The following MEF2A variants were observed in gnomAD, a reference collection of about 807,000 sequenced individuals.
The protein encoded by MEF2A is myocyte enhancer factor 2A.
Under a neutral mutation model 55.8 loss-of-function variants are expected in MEF2A, and 28 were observed. The ratio of observed to expected loss-of-function variants is 0.50; its 90% confidence interval spans 0.37 to 0.69. The LOEUF is 0.69. MEF2A is among the 30% of genes least tolerant of loss of function. MEF2A has a pLI of 0.00. For synonymous variants in MEF2A, 239 were observed against 227.1 expected, an observed-to-expected ratio of 1.05 and a Z score of -0.47; for missense variants, 528 against 626.2, an observed-to-expected ratio of 0.84 and a Z score of 1.67.
At chr15:99,608,897 G>C (rs191182649) in intron 2 of MEF2A, among the ~76,000 whole-genome samples, 2 of 148,506 alleles carry the variant, frequency 1.3e-5, no homozygotes, top group African/African-American at 5.0e-5. Flanking sequence ...GTGAAACTCC[G>C]TCTCAAAAAA....
At chr15:99,644,081 A>G (rs1406428572) in intron 3 of MEF2A, among the ~76,000 whole-genome samples, 1 of 152,222 alleles carries the variant, frequency 6.6e-6, no homozygotes, top group Non-Finnish European at 1.5e-5. Context: ...TTTACTAGCT[A>G]ACAGAATATT....
intron 4 of MEF2A, among the ~76,000 whole-genome samples, chr15:99,662,729 C>G (rs2048869395): frequency 6.6e-6 from 1 of 152,204 alleles, no homozygotes; most frequent in South Asian, 2.1e-4. Context: ...CTGCCTGTCT[C>G]TGCCTCCCAA....
intron 2 of MEF2A, among the ~76,000 whole-genome samples, chr15:99,619,819 G>C (rs2040833031): frequency 6.6e-6 from 1 of 152,178 alleles, no homozygotes; most frequent in South Asian, 2.1e-4. Context: ...GAAATTGTCA[G>C]GTGCCAAAGG....
In MEF2A at chr15:99,589,685, GT is replaced by G. The variant is rs1304614412; in HGVS notation, c.-224-8740del. ...GCTTTACCCTATATAATCTAATCAT[GT>G]TTTTGCCATTTAGTTCAATGTATTT... On this transcript the variant is annotated intron_variant, in intron 1 of 11. Coordinates refer to ENST00000557942, the MANE Select transcript of MEF2A (RefSeq NM_001319206.4). Among the ~76,000 whole-genome samples the G allele has an allele frequency of 6.6e-5, 10 of 151,930 alleles. No homozygotes were observed. The East Asian group carries it at 1.7e-3, about 26-fold the overall frequency.
rs1476435600 is a variant in MEF2A at position 99,715,825 on chromosome 15, G to A, written c.*3054G>A. On this transcript the variant is annotated 3_prime_UTR_variant, in exon 12 of 12. Transcript: ENST00000557942. ...TCTAATGGCCACTCCACCGCGAGTG[G>A]AAGTCACTGTTGTGTGTACACAGGT... 2 of 152,214 alleles carry A rather than the reference G, an allele frequency of 1.3e-5. No homozygotes were observed. The highest frequency in any genetic ancestry group is 2.9e-5 in the Non-Finnish European group (2 of 68,040). The allele number at this position is 152,214 out of a possible 1,614,324, so 9.4% of individuals were successfully genotyped here.
intron 1 of MEF2A, among the ~76,000 whole-genome samples, chr15:99,584,170 A>T (rs891191860): frequency 3.9e-5 from 6 of 152,220 alleles, no homozygotes; most frequent in African/African-American, 1.4e-4. Context: ...TTATAATCTT[A>T]TGTGACCACC....
intron 7 of MEF2A, among the ~76,000 whole-genome samples, chr15:99,685,674 A>G (rs529563528): frequency 2.6e-5 from 4 of 152,130 alleles, no homozygotes; most frequent in Admixed American, 6.6e-5. Flanking sequence ...CCACTTGATC[A>G]TGGTGTATTA....
At chr15:99,709,376 C>T (rs1170554078) in intron 10 of MEF2A, among the ~76,000 whole-genome samples, 1 of 152,124 alleles carries the variant, frequency 6.6e-6, no homozygotes, top group Non-Finnish European at 1.5e-5. Context: ...AGATGTGTGG[C>T]GTTTGGAGTG....
At chr15:99,680,037 A>G (rs377300436) in intron 7 of MEF2A, among the ~76,000 whole-genome samples, 12 of 152,228 alleles carry the variant, frequency 7.9e-5, no homozygotes, top group African/African-American at 2.7e-4. Context: ...GAGACAAGTC[A>G]GTTTAAGATG....
intron 1 of MEF2A, among the ~76,000 whole-genome samples, chr15:99,572,419 T>TA (rs1962717678): frequency 6.6e-6 from 1 of 152,234 alleles, no homozygotes. Flanking sequence ...TTTACTCTCT[T>TA]ACACAGATTA....
At chr15:99,687,245 G>A (rs545374682) in intron 7 of MEF2A, among the ~76,000 whole-genome samples, 153 of 151,952 alleles carry the variant, frequency 1.0e-3, no homozygotes, top group Non-Finnish European at 1.9e-3. Flanking sequence ...ACCATTTTAC[G>A]TCTCAGAATG....
intron 1 of MEF2A, among the ~76,000 whole-genome samples, chr15:99,585,901 G>A (rs899696437): frequency 1.3e-5 from 2 of 152,014 alleles, no homozygotes; most frequent in African/African-American, 4.8e-5. Context: ...TTCTTCGGTG[G>A]TATCTTAAAA....
chr15:99,588,342 C>T (rs550941185), intron 1 of MEF2A, among the ~76,000 whole-genome samples: 5 of 152,178 alleles, frequency 3.3e-5, no homozygotes, highest in African/African-American at 7.2e-5. Flanking sequence ...CTCACTGTTG[C>T]CCAGGCTGGA....
intron 4 of MEF2A, among the ~76,000 whole-genome samples, chr15:99,668,896 G>T (rs1280758597): frequency 6.6e-6 from 1 of 152,210 alleles, no homozygotes; most frequent in Non-Finnish European, 1.5e-5. Context: ...ATGGTTTAGT[G>T]ATAAGGAGAC....
rs572368242 is a variant in MEF2A at position 99,681,165 on chromosome 15, A to G, written c.670+5707A>G. On this transcript the variant is annotated intron_variant, in intron 7 of 11. Coordinates refer to ENST00000557942, the MANE Select transcript of MEF2A (RefSeq NM_001319206.4). ...TTTTTAAAAACACGTTGAGAAAGAG[A>G]AAAAACATATATGGTACTAGACATA... 3.3e-5 allele frequency among the ~76,000 whole-genome samples: 5 copies of G among 152,378 alleles called. No homozygotes were observed. The East Asian group carries it at 9.6e-4, about 29-fold the overall frequency.
intron 1 of MEF2A, among the ~76,000 whole-genome samples, chr15:99,568,891 A>G (rs950947887): frequency 3.9e-5 from 6 of 152,224 alleles, no homozygotes; most frequent in Non-Finnish European, 8.8e-5. Flanking sequence ...CGATGACACT[A>G]TGAGAAAACC....
chr15:99,574,780 G>A (rs1293994041), intron 1 of MEF2A, among the ~76,000 whole-genome samples: 1 of 152,160 alleles, frequency 6.6e-6, no homozygotes, highest in African/African-American at 2.4e-5. Flanking sequence ...CCATGGACTG[G>A]TACTGATCTA....
In MEF2A at chr15:99,712,600, G is replaced by T. The variant is rs325400; in HGVS notation, c.1347G>T (p.Gly449=). 763,924 of 1,550,848 alleles carry T rather than the reference G, an allele frequency of 0.49. 193,463 individuals carry two copies. The highest frequency in any genetic ancestry group is 0.52 in the Middle Eastern group (3,126 of 5,988). Residue 449 remains glycine (G), a synonymous_variant, in exon 12 of 12, where the codon GGG becomes GGT. Transcript: ENST00000557942. The surrounding 1 kb of genome is among the most constrained non-coding windows in gnomAD (Gnocchi z 4.1). ...PPQPQPRQEM[G]RSPVDSLSSS... is the part of the protein sequence containing the mutation. ...AGCCCCAGCCCCGACAGGAAATGGGGCGCTCCCCTGTGGACAGTCTGAGCA... is the reference window on the plus strand; with the variant it reads ...AGCCCCAGCCCCGACAGGAAATGGGTCGCTCCCCTGTGGACAGTCTGAGCA...
intron 1 of MEF2A, among the ~76,000 whole-genome samples, chr15:99,574,100 A>G (rs1217815861): frequency 6.6e-6 from 1 of 152,178 alleles, no homozygotes; most frequent in Non-Finnish European, 1.5e-5. Context: ...AAGTTACAAG[A>G]ATAGTACAAT....
Sources: gnomAD v4.1 joint callset for allele counts (sites outside exome capture counted in the v4.1 genomes callset) on GRCh38, gnomAD v4.1.1 for gene constraint, Gnocchi (gnomAD v3.1) non-coding constraint, MANE v1.5 for transcripts, NCBI Gene and HGNC (gene_info 2026-07-23, HGNC 2026-07-21) for gene names.